Variants in PLEC observed in about 807,000 individuals in gnomAD.
PLEC encodes hemidesmosomal protein 1.
In PLEC, 216 loss-of-function variants were observed where a neutral mutation model predicts 392.8. The ratio of observed to expected loss-of-function variants is 0.55; its 90% CI spans 0.49 to 0.62. The LOEUF (loss-of-function observed/expected upper bound fraction) is 0.62, where lower values mean the gene tolerates loss of function less well. Ranked by LOEUF, PLEC falls within the 20% of genes least tolerant of loss-of-function variation. The pLI is 0.00. For synonymous variants in PLEC, 3,621 were observed against 2,980.6 expected (o/e 1.21, Z -7.00); for missense variants, 6,863 against 6,563.4 (o/e 1.05, Z -1.58).
At chr8:143,949,903 TG>T (rs1172008671) in intron 1 of PLEC, among the ~76,000 whole-genome samples, 1 of 151,676 alleles carries the variant, frequency 6.6e-6, no homozygotes, top group East Asian at 1.9e-4. Flanking sequence ...GCAAGGGCAG[TG>T]TTGGAGAGAG....
rs781823745 is a variant in PLEC, at chr8:143,929,227, C to T, written c.3136G>A (p.Glu1046Lys). 22 of 1,602,550 alleles carry T rather than the reference C, an allele frequency of 1.4e-5. No homozygotes were observed. Among genetic ancestry groups the T allele is most frequent in the Admixed American group, 3.4e-5 (2 of 59,618 alleles). Residue 1046 changes from glutamate (E) to lysine (K), a missense_variant, in exon 25 of 32, where the codon GAG (glutamate) becomes AAG (lysine). Glu to Lys is a moderately conservative substitution (Grantham distance 56). Transcript: ENST00000345136. Reference protein sequence around the residue: ...LGKGVARLSAEAEKVLALPEP... With the variant: ...LGKGVARLSAKAEKVLALPEP... ...GGTAGGGCCAAGACCTTCTCGGCCT[C>T]GGCAGAGAGCCGGGCGACCCCCTTG...
chr8:143,938,158 TC>T lies in PLEC; in HGVS notation c.256del (p.Asp86ThrfsTer30). ...LISLLEVLSGDSLPREKGRMR... is the reference protein window; with the variant it reads ...LISLLEVLSGXSLPREKGRMR... ...GGGCAGGGGCACACGTACCAGGCTG[TC>T]CCCCGAGAGGACCTCCAGCAGGGAG... is the stretch of plus-strand genomic sequence containing the variant. On this transcript the variant is annotated frameshift_variant, in exon 3 of 32. Coordinates refer to ENST00000345136, the MANE Select transcript of PLEC (RefSeq NM_201384.3). LOFTEE classifies it high-confidence loss of function. 1.9e-6 allele frequency: 3 copies of T among 1,603,556 alleles called. No individual in the cohort carries two copies.
At position 143,919,063 on chromosome 8, in the gene PLEC, G is replaced by A. The variant is rs782763674; in HGVS notation, c.10758C>T (p.Ser3586=). ...GGGSHGGSTM[S]LWEVMQSDLI... is the part of the protein sequence containing the mutation. ...GGTCCGACTGCATCACCTCCCACAG[G>A]GACATGGTGGAGCCGCCGTGGCTGC... The change falls in exon 32 of 32, where the codon TCC becomes TCT. Residue 3586 remains serine, a synonymous_variant. Transcript: ENST00000345136. 1 of 1,611,330 alleles carries A rather than the reference G, an allele frequency of 6.2e-7. No homozygotes were observed.
At chr8:143,926,686 C>A in intron 30 of PLEC, 98 bp downstream of exon 30, 1 of 1,013,172 alleles carries the variant, frequency 9.9e-7, no homozygotes, top group Non-Finnish European at 1.6e-6. Flanking sequence ...TGGGGAGGGC[C>A]ACGAGAGGTG....
At chr8:143,960,567 AG>A (rs1381229362) in intron 1 of PLEC, among the ~76,000 whole-genome samples, 2 of 152,104 alleles carry the variant, frequency 1.3e-5, no homozygotes, top group African/African-American at 4.8e-5. Context: ...CAGTGAGCTG[AG>A]ACTGCATCTC....
chr8:143,951,878 C>G (rs1407171003), upstream of PLEC, among the ~76,000 whole-genome samples: 1 of 152,040 alleles, frequency 6.6e-6, no homozygotes, highest in East Asian at 1.9e-4. Context: ...CCCCCCTCCC[C>G]GCCCCGCTGC....
chr8:143,956,918 C>T (rs1292016310), upstream of PLEC, among the ~76,000 whole-genome samples: 5 of 152,192 alleles, frequency 3.3e-5, no homozygotes, highest in East Asian at 3.8e-4. Context: ...GGTTCCTTCC[C>T]GGCACAGGCT....
chr8:143,920,554 G>A lies in PLEC; in HGVS notation c.9267C>T (p.Pro3089=), dbSNP rs371751108. 42 of 1,611,196 alleles carry A rather than the reference G, an allele frequency of 2.6e-5. No homozygotes were observed. Among genetic ancestry groups the A allele is most frequent in the Admixed American group, 2.3e-4 (14 of 59,978 alleles). The change falls in exon 32 of 32, where the codon CCC becomes CCT. Residue 3089 remains proline, a synonymous_variant. Coordinates refer to ENST00000345136, the MANE Select transcript of PLEC (RefSeq NM_201384.3). ...DEAVRAGLVG[P]EFHEKLLSAE... ...CTGATAGCAGCTTCTCATGAAACTC[G>A]GGGCCCACCAGGCCAGCACGCACTG...
Position 143,920,492 on chromosome 8 carries a change from G to A in PLEC, c.9329C>T (p.Thr3110Ile). ...CTGGAACAGGGAGACGCTCTGCCCT[G>A]TGTAGGGGTCCCTGTACCCTGTCAC... ...KAVTGYRDPY[T>I]GQSVSLFQAL... is the part of the protein sequence containing the mutation. The change falls in exon 32 of 32, where the codon ACA becomes ATA. Residue 3110 changes from threonine (T) to isoleucine (I), a missense_variant. By Grantham distance (89) the Thr-to-Ile change is moderately conservative. Coordinates refer to ENST00000345136, the MANE Select transcript of PLEC (RefSeq NM_201384.3). The A allele has an allele frequency of 1.2e-6, 2 of 1,609,332 alleles. No homozygotes were observed. Among genetic ancestry groups the A allele is most frequent in the African/African-American group, 1.3e-5 (1 of 75,026 alleles).
rs562156269 is a variant in PLEC at position 143,927,006 on chromosome 8, G to A, written c.3916C>T (p.Gln1306Ter). The A allele has an allele frequency of 6.2e-7, 1 of 1,613,114 alleles. No homozygotes were observed. The highest frequency in any genetic ancestry group is 1.1e-5 in the South Asian group (1 of 91,084). Residue 1306 changes from glutamine (Q) to a stop codon, truncating the protein, a stop_gained, in exon 29 of 32, where the codon CAG (glutamine) becomes TAG (stop). Transcript: ENST00000345136. LOFTEE classifies it high-confidence loss of function. ...TGGATGACACTCTCTGATCCCGACT[G>A]GACCTTGGGCTTCTTGGCCGGGGAG... ...VASPAKKPKVQSGSESVIQEY... is the reference protein window; with the variant it reads ...VASPAKKPKV
Position 143,936,031 on chromosome 8 carries a change from G to A in PLEC, c.436-17C>T. On this transcript the variant is annotated splice_polypyrimidine_tract_variant and intron_variant, in intron 5 of 31. Transcript: ENST00000345136. The stretch of plus-strand genomic sequence containing the variant: ...ATCTGAGATCTGCTCACAGCAGAGA[G>A]GAGGCCACAGCTCAGCCACAGCCAC... 3.1e-6 allele frequency: 5 copies of A among 1,610,050 alleles called. No individual in the cohort carries two copies. The highest frequency in any genetic ancestry group is 4.2e-6 in the Non-Finnish European group (5 of 1,179,874).
In PLEC at chr8:143,934,398, C is replaced by T. The variant is rs187317826; in HGVS notation, c.1089G>A (p.Pro363=). ...TGCCCCACTCCTTCTCCACATCCAG[C>T]GGGTGGTAGCCAGGGGGCACCTTGA... ...GQLKVPPGYH[P]LDVEKEWGKL... is the part of the protein sequence containing the mutation. Residue 363 remains proline, a synonymous_variant, in exon 11 of 32, where the codon CCG becomes CCA. Coordinates refer to ENST00000345136, the MANE Select transcript of PLEC (RefSeq NM_201384.3). 4.3e-6 allele frequency: 7 copies of T among 1,612,340 alleles called. No individual in the cohort carries two copies. The Admixed American group carries it at 5.0e-5, about 12-fold the overall frequency.
At chr8:143,948,989 G>C (rs1831817415) in intron 1 of PLEC, among the ~76,000 whole-genome samples, 1 of 152,198 alleles carries the variant, frequency 6.6e-6, no homozygotes, top group South Asian at 2.1e-4. Flanking sequence ...AGAGGAGCTG[G>C]AGAGGCCACT....
At chr8:143,938,821 T>C in intron 1 of PLEC, 129 bp from the exon 2 acceptor site, 1 of 804,318 alleles carries the variant, frequency 1.2e-6, no homozygotes, top group Non-Finnish European at 2.1e-6. Context: ...CTCCCTCAGA[T>C]CACACACTGA....
At chr8:143,944,967 G>A (rs1227697776) in intron 1 of PLEC, among the ~76,000 whole-genome samples, 3 of 150,496 alleles carry the variant, frequency 2.0e-5, no homozygotes, top group Non-Finnish European at 4.4e-5. Flanking sequence ...CCGACACCTC[G>A]GTCCCCCAGC....
intron 1 of PLEC, among the ~76,000 whole-genome samples, chr8:143,949,789 C>G (rs1369198843): frequency 1.3e-5 from 2 of 152,192 alleles, no homozygotes; most frequent in Non-Finnish European, 2.9e-5. Context: ...AGGAGGGCCA[C>G]ACCCAACCGG....
In PLEC at chr8:143,920,489, C is replaced by T. The variant is rs782797440; in HGVS notation, c.9332G>A (p.Gly3111Glu). Residue 3111 changes from glycine (G) to glutamate (E), a missense_variant, in exon 32 of 32, where the codon GGG (glycine) becomes GAG (glutamate). Physicochemically the swap from Gly to Glu is moderately conservative, Grantham distance 98. Transcript: ENST00000345136. ...GGCCTGGAACAGGGAGACGCTCTGC[C>T]CTGTGTAGGGGTCCCTGTACCCTGT... ...AVTGYRDPYT[G>E]QSVSLFQALK... The T allele has an allele frequency of 8.1e-6, 13 of 1,608,504 alleles. No individual in the cohort carries two copies. The highest frequency in any genetic ancestry group is 1.7e-5 in the Admixed American group (1 of 59,928).
At position 143,920,786 on chromosome 8, in the gene PLEC, T is replaced by A; in HGVS notation, c.9035A>T (p.Glu3012Val). The change falls in exon 32 of 32, where the codon GAG becomes GTG. Residue 3012 changes from glutamate (E) to valine (V), a missense_variant. Coordinates refer to ENST00000345136, the MANE Select transcript of PLEC (RefSeq NM_201384.3). ...GAGAGCCCGCCGCACAGTGTCCACC[T>A]CGGCTACGTCTCGCACAGAGCGCTC... ...RGERSVRDVA[E>V]VDTVRRALRG... 1 of 1,607,230 alleles carries A rather than the reference T, an allele frequency of 6.2e-7. No individual in the cohort carries two copies. The highest frequency in any genetic ancestry group is 8.5e-7 in the Non-Finnish European group (1 of 1,179,912).
At chr8:143,939,663 C>G (rs1282088835), upstream of PLEC, 4 of 1,410,220 alleles carry the variant, frequency 2.8e-6, no homozygotes, top group Non-Finnish European at 3.7e-6. Flanking sequence ...CGAGGCCCCA[C>G]CCTGCCCAGG....
Sources: allele counts gnomAD v4.1 joint callset (sites outside exome capture counted in the v4.1 genomes callset), GRCh38; gene constraint gnomAD v4.1.1; transcripts MANE v1.5; gene names NCBI Gene and HGNC (gene_info 2026-07-23, HGNC 2026-07-21).